The following NLRC3 variants were observed in gnomAD, a reference collection of about 807,000 sequenced individuals.
NLRC3 encodes NLR family CARD domain-containing protein 3.
In NLRC3, 87 loss-of-function variants were observed where a neutral mutation model predicts 91.6. That is an observed-to-expected ratio of 0.95 (90% CI 0.80 to 1.14). The LOEUF (loss-of-function observed/expected upper bound fraction) is 1.14, where lower values mean the gene tolerates loss of function less well. Among genes scored for constraint, NLRC3 ranks in the 50% most tolerant of loss-of-function variants. NLRC3 has a pLI of 0.00. For missense variants in NLRC3, 1,577 were observed against 1,418.6 expected (o/e 1.11, Z -1.79); for synonymous variants, 694 against 625.3 (o/e 1.11, Z -1.64).
rs1596477062 is a variant in NLRC3 at position 3,563,069 on chromosome 16, C to T, written c.1868G>A (p.Ser623Asn). Residue 623 changes from serine (S) to asparagine (N), a missense_variant, in exon 5 of 20, where the codon AGC becomes AAC. Ser to Asn is a conservative substitution (Grantham distance 46). Transcript: ENST00000359128. ...GCTCTGAAGGACGCCCTGGCTGAGG[C>T]TCAGGGACAGGTTGGCCTCCTGGGC... ...ACAQEANLSL[S>N]LSQGVLQSLL... 3 of 1,565,598 alleles carry T rather than the reference C, an allele frequency of 1.9e-6. No individual in the cohort carries two copies. In the African/African-American group the frequency reaches 4.1e-5, roughly 21 times the overall value.
Position 3,550,330 on chromosome 16 carries a change from G to A in NLRC3, c.2435+84C>T, listed in dbSNP as rs2038926539. On this transcript the variant is annotated intron_variant, in intron 11 of 19. Transcript: ENST00000359128. ...TGTTGGCAGGGAAATGGCCCTGGGG[G>A]ACAGCCATTTTTCAGGACTGCCGGC... 4.7e-6 allele frequency: 4 copies of A among 857,194 alleles called. No individual in the cohort carries two copies. The South Asian group carries it at 5.8e-5, about 12-fold the overall frequency. 53.1% of individuals were successfully genotyped at this position (857,194 alleles called of 1,614,324 possible). A position where few individuals can be genotyped will look rare whatever the true frequency, so the allele number is the denominator to read the frequency against.
intron 1 of NLRC3, chr16:3,567,532 G>A (rs2039929056): frequency 6.6e-6 from 1 of 152,180 alleles, no homozygotes; most frequent in African/African-American, 2.4e-5. Context: ...CCAGCATTTT[G>A]GGAGGCTGAG....
chr16:3,550,397 C>G lies in NLRC3; in HGVS notation c.2435+17G>C. The G allele has an allele frequency of 6.3e-7, 1 of 1,576,848 alleles. No individual in the cohort carries two copies. On this transcript the variant is annotated intron_variant, in intron 11 of 19. Transcript: ENST00000359128. ...AGAGAACCCAGGGGGAATCGTCACC[C>G]TGGCAGGTGGACTCACTCCAGGCTC...
chr16:3,548,288 G>C, intron 14 of NLRC3, 70 bp from the exon 15 acceptor site: 1 of 1,212,326 alleles, frequency 8.2e-7, no homozygotes, highest in South Asian at 1.3e-5. Flanking sequence ...AGCCAAGGAG[G>C]CTCTGATGGC....
intron 17 of NLRC3, 178 bp from the exon 18 acceptor site, chr16:3,542,953 A>AG: frequency 1.7e-6 from 1 of 582,528 alleles, no homozygotes; most frequent in Non-Finnish European, 3.1e-6. Flanking sequence ...TCTGGGAAGC[A>AG]GGGCACACAG....
rs367973740 is a variant in NLRC3, at chr16:3,564,809, A to G, written c.178+50T>C. On this transcript the variant is annotated intron_variant, in intron 4 of 19. Coordinates refer to ENST00000359128, the MANE Select transcript of NLRC3 (RefSeq NM_178844.4). This position sits in a 1 kb window ranked among gnomAD's most constrained non-coding sequence, Gnocchi z 5.9. ...GTCTGGTAAGGGAAGAGTGGGCACAATCAGCCCAGGTGTTCCCCACCCCGC... is the reference window on the plus strand; with the variant it reads ...GTCTGGTAAGGGAAGAGTGGGCACAGTCAGCCCAGGTGTTCCCCACCCCGC... 2.2e-5 allele frequency: 34 copies of G among 1,571,524 alleles called. No homozygotes were observed. The highest frequency in any genetic ancestry group is 2.5e-5 in the Non-Finnish European group (29 of 1,160,668).
intron 16 of NLRC3, 115 bp from the exon 17 acceptor site, chr16:3,543,623 G>A (rs1334417633): frequency 1.4e-6 from 1 of 729,616 alleles, no homozygotes; most frequent in African/African-American, 1.7e-5. Flanking sequence ...ACAGCACTGA[G>A]AATGGTTGGC....
chr16:3,566,406 T>C (rs1330246368), intron 2 of NLRC3, among the ~76,000 whole-genome samples: 2 of 151,900 alleles, frequency 1.3e-5, no homozygotes, highest in Non-Finnish European at 2.9e-5. Context: ...GCCTGGCCGA[T>C]ATGGTGAGAC....
In NLRC3 at chr16:3,561,766, C is replaced by T; in HGVS notation, c.1951G>A (p.Asp651Asn). ...KLRLDTNQFQ[D>N]PVMELLGSVL... ...CTGCCCAGCAGCTCCATCACGGGGT[C>T]CTGGAACTGGTTGGTGTCCAGCCTG... is the stretch of plus-strand genomic sequence containing the variant. Residue 651 changes from aspartate (D) to asparagine (N), a missense_variant, in exon 6 of 20, where the codon GAC (aspartate) becomes AAC (asparagine). Physicochemically the swap from Asp to Asn is conservative, Grantham distance 23. Transcript: ENST00000359128. 1 of 1,613,504 alleles carries T rather than the reference C, an allele frequency of 6.2e-7. No individual in the cohort carries two copies.
chr16:3,571,341 CA>C (rs1163385160), intron 1 of NLRC3, among the ~76,000 whole-genome samples: 1 of 149,564 alleles, frequency 6.7e-6, no homozygotes, highest in Non-Finnish European at 1.5e-5. Flanking sequence ...ACGTAAAACT[CA>C]GAAGTGTCAG....
chr16:3,547,495 T>C (rs1260704648), intron 15 of NLRC3, among the ~76,000 whole-genome samples: 1 of 152,116 alleles, frequency 6.6e-6, no homozygotes, highest in African/African-American at 2.4e-5. Context: ...CCGAATACAC[T>C]AGAAACCAGT....
chr16:3,561,176 C>A (rs1429807833), intron 6 of NLRC3, among the ~76,000 whole-genome samples: 1 of 151,726 alleles, frequency 6.6e-6, no homozygotes, highest in African/African-American at 2.4e-5. Flanking sequence ...ATGGTGAAAC[C>A]CTGTCTCTAC....
intron 2 of NLRC3, among the ~76,000 whole-genome samples, chr16:3,566,794 G>A (rs1442407078): frequency 6.6e-6 from 1 of 152,188 alleles, no homozygotes; most frequent in African/African-American, 2.4e-5. Context: ...AGGAGGCTGA[G>A]GCAGGACAAT....
intron 6 of NLRC3, among the ~76,000 whole-genome samples, chr16:3,560,433 A>C (rs1375084187): frequency 6.6e-6 from 1 of 152,100 alleles, no homozygotes; most frequent in Non-Finnish European, 1.5e-5. Context: ...AAAACAAAAA[A>C]AAAAACAAAA....
rs1363393748 is a variant in NLRC3 at position 3,539,921 on chromosome 16, A to G, written c.*1904T>C. On this transcript the variant is annotated 3_prime_UTR_variant, in exon 20 of 20. Transcript: ENST00000359128. ...TTTCATGACATTGATGTTTTTGATG[A>G]GGTCAGGCCATTTATTCTGCAGAAT... 1 of 152,212 alleles carries G rather than the reference A, an allele frequency of 6.6e-6. No individual in the cohort carries two copies. Among genetic ancestry groups the G allele is most frequent in the Non-Finnish European group, 1.5e-5 (1 of 68,048 alleles). The allele number at this position is 152,212 out of a possible 1,614,324, so 9.4% of individuals were successfully genotyped here.
chr16:3,564,291 G>T lies in NLRC3; in HGVS notation c.646C>A (p.Leu216Met). 6.2e-7 allele frequency: 1 copy of T among 1,611,876 alleles called. No homozygotes were observed. Among genetic ancestry groups the T allele is most frequent in the Non-Finnish European group, 8.5e-7 (1 of 1,179,578 alleles). Residue 216 changes from leucine to methionine, a missense_variant, in exon 5 of 20, where the codon CTG becomes ATG. Transcript: ENST00000359128. The surrounding 1 kb of genome is among the most constrained non-coding windows in gnomAD (Gnocchi z 5.9). ...CACTCATCCAAGCCGTCCAGGATCA[G>T]GAGGGCCCTGGCTGGGACTGCCACC... ...LAVAVPARAL[L>M]ILDGLDECRT...
At chr16:3,551,090 C>T (rs1003501223) in intron 10 of NLRC3, among the ~76,000 whole-genome samples, 1 of 151,936 alleles carries the variant, frequency 6.6e-6, no homozygotes, top group Non-Finnish European at 1.5e-5. Context: ...GCTATCATTT[C>T]GTCTGTCCAT....
intron 11 of NLRC3, 145 bp downstream of exon 11, chr16:3,550,269 C>T: frequency 1.6e-6 from 1 of 613,592 alleles, no homozygotes; most frequent in Non-Finnish European, 2.9e-6. Context: ...GCTGGTGGGG[C>T]AGGGGCTACT....
At chr16:3,542,994 T>G in intron 17 of NLRC3, 1 of 564,122 alleles carries the variant, frequency 1.8e-6, no homozygotes, top group East Asian at 2.9e-5. Context: ...GGAGGGTTGT[T>G]GGAGCCTTCC....
Sources: gnomAD v4.1 joint callset for allele counts (sites outside exome capture counted in the v4.1 genomes callset) on GRCh38, gnomAD v4.1.1 for gene constraint, Gnocchi (gnomAD v3.1) non-coding constraint, MANE v1.5 for transcripts, NCBI Gene and HGNC (gene_info 2026-07-23, HGNC 2026-07-21) for gene names.